The following TEAD4 variants were observed in gnomAD, a reference collection of about 807,000 sequenced individuals.
TEAD4 encodes the protein TEA domain transcription factor 4, also known as transcriptional enhancer factor TEF-3.
In TEAD4, 36 loss-of-function variants were observed where a neutral mutation model predicts 52.4. The observed-to-expected ratio is 0.69, with a 90% confidence interval of 0.53 to 0.91. The LOEUF is 0.91. TEAD4 is among the 40% of genes least tolerant of loss of function. The probability of loss-of-function intolerance (pLI) is 0.00; values close to 1 mark genes in which losing one functional copy is unlikely to be tolerated. For synonymous variants in TEAD4, 220 were observed against 231.0 expected (o/e 0.95, Z 0.43); for missense variants, 508 against 583.9 (o/e 0.87, Z 1.34).
intron 2 of TEAD4, among the ~76,000 whole-genome samples, chr12:2,969,804 G>T (rs1415478179): frequency 6.6e-6 from 1 of 152,206 alleles, no homozygotes; most frequent in Non-Finnish European, 1.5e-5. Flanking sequence ...CGGAATCTGG[G>T]TCTTGCCCTG....
chr12:2,962,411 C>T (rs1379457645), intron 2 of TEAD4, among the ~76,000 whole-genome samples: 2 of 149,858 alleles, frequency 1.3e-5, no homozygotes, highest in South Asian at 4.2e-4. Flanking sequence ...TCTCGGCTCA[C>T]CACAACCTCT....
At chr12:2,976,364 A>G (rs2098229698) in intron 2 of TEAD4, among the ~76,000 whole-genome samples, 3 of 99,918 alleles carry the variant, frequency 3.0e-5, no homozygotes, top group African/African-American at 1.1e-4. Flanking sequence ...GCCCCCTCCC[A>G]ACCTTTTGTT....
intron 2 of TEAD4, among the ~76,000 whole-genome samples, chr12:2,970,782 G>C (rs1243441170): frequency 6.6e-6 from 1 of 152,202 alleles, no homozygotes; most frequent in African/African-American, 2.4e-5. Flanking sequence ...GCATCTGTCT[G>C]CCTGGGGCTT....
intron 10 of TEAD4, among the ~76,000 whole-genome samples, chr12:3,036,146 A>G (rs1284931999): frequency 6.6e-6 from 1 of 152,096 alleles, no homozygotes; most frequent in Non-Finnish European, 1.5e-5. Flanking sequence ...TTTTTCCCTA[A>G]AGGCCTCATC....
chr12:2,962,819 TTGCTTAA>T (rs1418621672), intron 2 of TEAD4, among the ~76,000 whole-genome samples: 1 of 152,178 alleles, frequency 6.6e-6, no homozygotes, highest in Non-Finnish European at 1.5e-5. Context: ...GGACAGTAAC[TTGCTTAA>T]TGCCGCAACC....
chr12:2,970,280 A>G (rs2098224033), intron 2 of TEAD4, among the ~76,000 whole-genome samples: 1 of 152,204 alleles, frequency 6.6e-6, no homozygotes, highest in African/African-American at 2.4e-5. Flanking sequence ...TTCAGTAACC[A>G]CGTGGGGCGA....
rs540873497 is a variant in TEAD4, at chr12:2,979,817, G to A, written c.-29-14921G>A. ...GTTGGGGATTAAGTTTTTAACCCACGAACTTTGAGGGGCACGTTCATACCA... is the reference window on the plus strand; with the variant it reads ...GTTGGGGATTAAGTTTTTAACCCACAAACTTTGAGGGGCACGTTCATACCA... On this transcript the variant is annotated intron_variant, in intron 2 of 12. Coordinates refer to ENST00000359864, the MANE Select transcript of TEAD4 (RefSeq NM_003213.4). Among the ~76,000 whole-genome samples the A allele has an allele frequency of 2.0e-5, 3 of 152,118 alleles. No homozygotes were observed. In the East Asian group the frequency reaches 5.8e-4, roughly 29 times the overall value.
chr12:2,968,180 G>A (rs530668089), intron 2 of TEAD4, among the ~76,000 whole-genome samples: 11 of 144,778 alleles, frequency 7.6e-5, no homozygotes, highest in South Asian at 2.3e-4. Context: ...TCCACCTTCC[G>A]GGTTCAAGCG....
At chr12:3,036,368 A>G (rs2098279444) in intron 10 of TEAD4, among the ~76,000 whole-genome samples, 1 of 152,118 alleles carries the variant, frequency 6.6e-6, no homozygotes, top group Non-Finnish European at 1.5e-5. Flanking sequence ...ATAGACAATC[A>G]ACACCCACCG....
chr12:2,989,013 A>G (rs563858962), intron 2 of TEAD4, among the ~76,000 whole-genome samples: 2 of 152,256 alleles, frequency 1.3e-5, no homozygotes, highest in South Asian at 2.1e-4. Context: ...GTGAGCTACT[A>G]TGGCAGGTTA....
chr12:2,979,827 G>A (rs773787622), intron 2 of TEAD4, among the ~76,000 whole-genome samples: 2 of 152,060 alleles, frequency 1.3e-5, no homozygotes, highest in Non-Finnish European at 1.5e-5. Context: ...GAACTTTGAG[G>A]GGCACGTTCA....
chr12:3,005,464 T>A (rs1277213264), intron 3 of TEAD4, among the ~76,000 whole-genome samples: 3 of 151,622 alleles, frequency 2.0e-5, no homozygotes, highest in Non-Finnish European at 4.4e-5. Flanking sequence ...TGGCTAATTT[T>A]TTATTTTTAT....
At chr12:3,019,349 C>G (rs1191443132) in intron 8 of TEAD4, among the ~76,000 whole-genome samples, 179 bp downstream of exon 8, 5 of 152,228 alleles carry the variant, frequency 3.3e-5, no homozygotes, top group African/African-American at 4.8e-5. Context: ...ATGCACACCT[C>G]AGCCGTGTGC....
chr12:2,994,713 G>T lies in TEAD4; in HGVS notation c.-29-25G>T. 1 of 1,537,412 alleles carries T rather than the reference G, an allele frequency of 6.5e-7. No homozygotes were observed. On this transcript the variant is annotated intron_variant, in intron 2 of 12. Coordinates refer to ENST00000359864, the MANE Select transcript of TEAD4 (RefSeq NM_003213.4). The surrounding 1 kb of genome is among the most constrained non-coding windows in gnomAD (Gnocchi z 4.7). The stretch of plus-strand genomic sequence containing the variant: ...CCACGCAGTTCTTCCACTGCTCACC[G>T]GGGCTGTGGTTCCTGTCCCCACAGG...
At chr12:2,986,927 C>G (rs1372761445) in intron 2 of TEAD4, among the ~76,000 whole-genome samples, 1 of 152,154 alleles carries the variant, frequency 6.6e-6, no homozygotes, top group Non-Finnish European at 1.5e-5. Context: ...ATGGGACCCC[C>G]TTTGAATGAA....
intron 6 of TEAD4, among the ~76,000 whole-genome samples, chr12:3,017,737 A>G (rs768867798): frequency 1.0e-3 from 155 of 152,176 alleles, no homozygotes; most frequent in Non-Finnish European, 1.9e-3. Flanking sequence ...GTCCTCGGCA[A>G]TGACTCCACA....
At chr12:2,971,149 G>A (rs918559053) in intron 2 of TEAD4, among the ~76,000 whole-genome samples, 2 of 152,222 alleles carry the variant, frequency 1.3e-5, no homozygotes, top group Non-Finnish European at 2.9e-5. Context: ...GAACTTGCAG[G>A]GAAATGGACT....
At chr12:3,020,042 C>T (rs371254432) in intron 8 of TEAD4, among the ~76,000 whole-genome samples, 15 of 152,180 alleles carry the variant, frequency 9.9e-5, no homozygotes, top group African/African-American at 3.6e-4. Flanking sequence ...TTCAGTCTCA[C>T]GGTGTTGCTT....
chr12:3,039,790 C>T (rs960648838), intron 11 of TEAD4, among the ~76,000 whole-genome samples: 1 of 152,194 alleles, frequency 6.6e-6, no homozygotes, highest in East Asian at 1.9e-4. Flanking sequence ...CGGGTTCAAG[C>T]GATTCTCCTG....
Sources: allele counts gnomAD v4.1 joint callset (sites outside exome capture counted in the v4.1 genomes callset), GRCh38; gene constraint gnomAD v4.1.1; non-coding constraint Gnocchi (gnomAD v3.1); transcripts MANE v1.5; gene names NCBI Gene and HGNC (gene_info 2026-07-23, HGNC 2026-07-21).